Variants in PLEKHA7 observed in about 807,000 individuals in gnomAD.
The protein encoded by PLEKHA7 is pleckstrin homology domain containing A7.
A neutral mutation model predicts 170.0 loss-of-function variants in PLEKHA7; 104 were observed. That is an observed-to-expected ratio of 0.61 (90% CI 0.52 to 0.72). PLEKHA7 has a LOEUF of 0.72. PLEKHA7 is among the 30% of genes least tolerant of loss of function. PLEKHA7 has a pLI of 0.00. For synonymous variants in PLEKHA7, 648 were observed against 660.8 expected (o/e 0.98, Z 0.30); for missense variants, 1,615 against 1,671.7 (o/e 0.97, Z 0.59).
At chr11:17,011,462 C>A (rs1222333312) in intron 3 of PLEKHA7, among the ~76,000 whole-genome samples, 3 of 152,234 alleles carry the variant, frequency 2.0e-5, no homozygotes. Flanking sequence ...CTCAACTCCA[C>A]TTTGCAACAA....
chr11:16,893,629 G>C (rs1856815508), intron 3 of PLEKHA7, among the ~76,000 whole-genome samples: 1 of 152,208 alleles, frequency 6.6e-6, no homozygotes, highest in Non-Finnish European at 1.5e-5. Flanking sequence ...GGTCAGAGCA[G>C]TAACAGAAGG....
chr11:16,829,799 G>T (rs374807924), intron 9 of PLEKHA7, among the ~76,000 whole-genome samples: 2 of 152,054 alleles, frequency 1.3e-5, no homozygotes, highest in Non-Finnish European at 2.9e-5. Context: ...AATTCTTACC[G>T]TAAGTTTATA....
In PLEKHA7 at chr11:16,906,624, G is replaced by C. The variant is rs1357174644; in HGVS notation, c.222-35442C>G. Among the ~76,000 whole-genome samples, 21 of 138,720 alleles carry C rather than the reference G, an allele frequency of 1.5e-4. 3 individuals carry two copies. The highest frequency in any genetic ancestry group is 1.5e-5 in the Non-Finnish European group (1 of 67,362). 91.0% of individuals were successfully genotyped at this position (138,720 alleles called of 152,430 possible). ...AGACGGAGTCGCGTTCACTCACTCA[G>C]TGTTCAGTGGTGCCCAGGCTGGAGT... On this transcript the variant is annotated intron_variant, in intron 3 of 26. Transcript: ENST00000531066.
intron 9 of PLEKHA7, 77 bp downstream of exon 9, chr11:16,841,470 G>T: frequency 6.8e-7 from 1 of 1,474,170 alleles, no homozygotes; most frequent in East Asian, 2.3e-5. Context: ...TGGAATCTCA[G>T]GCACCCAAGA....
intron 3 of PLEKHA7, among the ~76,000 whole-genome samples, chr11:16,947,309 G>A (rs927320075): frequency 6.6e-6 from 1 of 152,178 alleles, no homozygotes; most frequent in East Asian, 1.9e-4. Context: ...TAAAAATAGA[G>A]GCTGGGTGTG....
At chr11:17,013,328 C>A (rs6486339) in intron 3 of PLEKHA7, 96,694 of 152,278 alleles carry the variant, frequency 0.63, 31,361 homozygotes, top group East Asian at 0.96. Flanking sequence ...GCGGAAAAGT[C>A]GCCCGTGGAC....
At chr11:16,942,089 C>T (rs1261814547) in intron 3 of PLEKHA7, among the ~76,000 whole-genome samples, 1 of 152,220 alleles carries the variant, frequency 6.6e-6, no homozygotes, top group East Asian at 1.9e-4. Context: ...ACCCTCACCA[C>T]AGGTTCTATG....
Position 17,002,989 on chromosome 11 carries a change from C to CTTTTTTTTTTTTTTTTTT in PLEKHA7, c.221+10982_221+10999dup, listed in dbSNP as rs568718448. ...CCTTTAAGTACCAGAATAGTTGTGC[C>CTTTTTTTTTTTTTTTTTT]TTTTTTTTTTTTTTTTTTTTGTGAT... On this transcript the variant is annotated intron_variant, in intron 3 of 26. Transcript: ENST00000531066. Among the ~76,000 whole-genome samples the CTTTTTTTTTTTTTTTTTT allele has an allele frequency of 1.8e-5, 2 of 113,018 alleles. 1 individual carries two copies. Among genetic ancestry groups the CTTTTTTTTTTTTTTTTTT allele is most frequent in the Non-Finnish European group, 3.6e-5 (2 of 56,158 alleles). The allele number at this position is 113,018 out of a possible 152,430, so 74.1% of individuals were successfully genotyped here.
intron 3 of PLEKHA7, among the ~76,000 whole-genome samples, chr11:16,933,113 A>C (rs1290422079): frequency 2.0e-5 from 3 of 152,236 alleles, no homozygotes; most frequent in African/African-American, 7.2e-5. Context: ...TAAAAACCTA[A>C]TAGTTACTCG....
At chr11:16,800,777 A>G (rs1423823258) in intron 17 of PLEKHA7, among the ~76,000 whole-genome samples, 197 bp downstream of exon 17, 2 of 152,158 alleles carry the variant, frequency 1.3e-5, no homozygotes, top group Non-Finnish European at 2.9e-5. Flanking sequence ...GAAGCTTCTC[A>G]TCACAGCCTG....
chr11:16,895,453 TCA>T (rs1590519404), intron 3 of PLEKHA7, among the ~76,000 whole-genome samples: 1 of 152,192 alleles, frequency 6.6e-6, no homozygotes, highest in Non-Finnish European at 1.5e-5. Flanking sequence ...TGACTCTGAA[TCA>T]CACATTTATA....
intron 3 of PLEKHA7, among the ~76,000 whole-genome samples, chr11:16,923,937 C>T (rs1010343551): frequency 2.0e-5 from 3 of 152,142 alleles, no homozygotes; most frequent in Admixed American, 1.3e-4. Flanking sequence ...CTCTAAGGCA[C>T]AATGCTACCA....
At chr11:17,009,718 C>T (rs1865211655) in intron 3 of PLEKHA7, among the ~76,000 whole-genome samples, 1 of 152,016 alleles carries the variant, frequency 6.6e-6, no homozygotes. Context: ...TCATGGTAAA[C>T]TCAGACTCCT....
chr11:16,809,681 C>T (rs2134551098), intron 13 of PLEKHA7, among the ~76,000 whole-genome samples: 1 of 152,344 alleles, frequency 6.6e-6, no homozygotes, highest in Non-Finnish European at 1.5e-5. Context: ...CACTCAGTTT[C>T]ATTGAGCCTC....
Position 16,777,911 on chromosome 11 carries a change from T to G in PLEKHA7, c.*1087A>C, listed in dbSNP as rs1848775394. On this transcript the variant is annotated 3_prime_UTR_variant, in exon 27 of 27. Coordinates refer to ENST00000531066, the MANE Select transcript of PLEKHA7 (RefSeq NM_001329630.2). ...AGGTAGATGTCACCCAGTGTGGAGT[T>G]TATTGCTACGATACAATGAAAGTTG... 2 of 152,222 alleles carry G rather than the reference T, an allele frequency of 1.3e-5. No homozygotes were observed. The highest frequency in any genetic ancestry group is 1.5e-5 in the Non-Finnish European group (1 of 68,044). The allele number at this position is 152,222 out of a possible 1,614,324, so 9.4% of individuals were successfully genotyped here.
At chr11:16,960,351 G>T (rs1403518553) in intron 3 of PLEKHA7, among the ~76,000 whole-genome samples, 2 of 152,174 alleles carry the variant, frequency 1.3e-5, no homozygotes, top group African/African-American at 4.8e-5. Context: ...AGCCTGAGCT[G>T]GGCCAGGAAG....
intron 13 of PLEKHA7, among the ~76,000 whole-genome samples, chr11:16,806,058 G>A (rs1848962173): frequency 6.6e-6 from 1 of 152,174 alleles, no homozygotes; most frequent in Non-Finnish European, 1.5e-5. Context: ...GGTGACTGTG[G>A]AGATGGATGC....
intron 26 of PLEKHA7, among the ~76,000 whole-genome samples, chr11:16,779,670 C>T (rs1848876895): frequency 6.6e-6 from 1 of 152,226 alleles, no homozygotes; most frequent in Non-Finnish European, 1.5e-5. Flanking sequence ...CTGACCTCTT[C>T]CTCTCATGCT....
chr11:17,010,199 C>T (rs1358539578), intron 3 of PLEKHA7, among the ~76,000 whole-genome samples: 2 of 151,924 alleles, frequency 1.3e-5, no homozygotes, highest in Non-Finnish European at 2.9e-5. Flanking sequence ...ACCAGCCTGG[C>T]CAACATGGTG....
Sources: gnomAD v4.1 joint callset for allele counts (sites outside exome capture counted in the v4.1 genomes callset) on GRCh38, gnomAD v4.1.1 for gene constraint, MANE v1.5 for transcripts, NCBI Gene and HGNC (gene_info 2026-07-23, HGNC 2026-07-21) for gene names.